The following RBM44 variants were observed in gnomAD, a reference collection of about 807,000 sequenced individuals.
RBM44 encodes the protein RNA binding motif protein 44, also known as RNA-binding protein 44.
In RBM44, 66 loss-of-function variants were observed where a neutral mutation model predicts 105.1. The observed-to-expected ratio is 0.63, with a 90% CI of 0.52 to 0.77. The LOEUF is 0.77. Ranked by LOEUF, RBM44 falls within the 30% of genes least tolerant of loss-of-function variation. The pLI is 0.00. For missense variants in RBM44, 1,122 were observed against 1,207.8 expected, an observed-to-expected ratio of 0.93 and a Z score of 1.05; for synonymous variants, 365 against 417.6, an observed-to-expected ratio of 0.87 and a Z score of 1.54.
rs780297828 is a variant in RBM44 at position 237,818,627 on chromosome 2, G to T, written c.1677+31G>T. 7.1e-7 allele frequency: 1 copy of T among 1,406,898 alleles called. No individual in the cohort carries two copies. Among genetic ancestry groups the T allele is most frequent in the South Asian group, 1.6e-5 (1 of 64,290 alleles). The allele number at this position is 1,406,898 out of a possible 1,614,324, so 87.2% of individuals were successfully genotyped here. ...ATCAATATGAGTAATAATAAAATTT[G>T]GACTTTATAAAGAGACAGTGTATGC... On this transcript the variant is annotated intron_variant, in intron 3 of 15. Transcript: ENST00000316997. This position sits in a 1 kb window ranked among gnomAD's most constrained non-coding sequence, Gnocchi z 4.6.
intron 1 of RBM44, among the ~76,000 whole-genome samples, chr2:237,800,278 TGTCAA>T (rs1165287194): frequency 1.3e-5 from 2 of 152,242 alleles, no homozygotes; most frequent in Non-Finnish European, 2.9e-5. Context: ...ATATCCTCTT[TGTCAA>T]GTCATTTGCT....
chr2:237,827,473 A>C lies in RBM44; in HGVS notation c.2570A>C (p.Glu857Ala), dbSNP rs1299014310. ...CATTTCCAAAAATACCAAGTTTCTG[A>C]AATTTCAATTTATGATTCTACTAAT... ...RSHFQKYQVS[E>A]ISIYDSTNYR... Residue 857 changes from glutamate (E) to alanine (A), a missense_variant, in exon 12 of 16, where the codon GAA becomes GCA. Around this residue, in one of 3 missense-constraint regions of RBM44, gnomAD observed 10 missense variants for 27.0 expected, o/e 0.37. Coordinates refer to ENST00000316997, the MANE Select transcript of RBM44 (RefSeq NM_001080504.3). 2.6e-6 allele frequency: 4 copies of C among 1,523,406 alleles called. No homozygotes were observed. The East Asian group carries it at 9.8e-5, about 37-fold the overall frequency. 94.4% of individuals were successfully genotyped at this position (1,523,406 alleles called of 1,614,324 possible).
rs564000865 is a variant in RBM44 at position 237,842,205 on chromosome 2, A to G, written c.*389A>G. The G allele has an allele frequency of 6.6e-6, 1 of 152,240 alleles. No individual in the cohort carries two copies. The highest frequency in any genetic ancestry group is 1.9e-4 in the East Asian group (1 of 5,188). The allele number at this position is 152,240 out of a possible 1,614,324, so 9.4% of individuals were successfully genotyped here. ...AAGAAGGAGGTTTGTTGTTACATCA[A>G]TGTTTGTGAAATGATTTCCATACAT... On this transcript the variant is annotated 3_prime_UTR_variant, in exon 16 of 16. Transcript: ENST00000316997.
At chr2:237,819,960 T>C (rs372417607) in intron 4 of RBM44, among the ~76,000 whole-genome samples, 5 of 152,012 alleles carry the variant, frequency 3.3e-5, no homozygotes, top group African/African-American at 9.7e-5. Context: ...AATTTGAGAA[T>C]TGTTTACTTC....
At chr2:237,804,507 A>G (rs1172281421) in intron 1 of RBM44, among the ~76,000 whole-genome samples, 2 of 152,168 alleles carry the variant, frequency 1.3e-5, no homozygotes, top group East Asian at 1.9e-4. Flanking sequence ...TATTAATTAC[A>G]TTGTGGTTTT....
At chr2:237,816,176 A>C (rs979545832) in intron 2 of RBM44, among the ~76,000 whole-genome samples, 1 of 152,152 alleles carries the variant, frequency 6.6e-6, no homozygotes, top group South Asian at 2.1e-4. Flanking sequence ...TTAAATACAA[A>C]GTTTTTCTGA....
At chr2:237,819,769 T>C (rs1481637764) in intron 4 of RBM44, among the ~76,000 whole-genome samples, 1 of 151,996 alleles carries the variant, frequency 6.6e-6, no homozygotes, top group East Asian at 1.9e-4. Flanking sequence ...TTAAGAATAA[T>C]TTTCATCCAA....
intron 15 of RBM44, among the ~76,000 whole-genome samples, chr2:237,838,552 A>G (rs959361050): frequency 1.3e-5 from 2 of 152,208 alleles, no homozygotes; most frequent in African/African-American, 4.8e-5. Context: ...AAAATACATG[A>G]AAATACTAAT....
chr2:237,836,083 T>C (rs923491265), intron 15 of RBM44, among the ~76,000 whole-genome samples: 3 of 152,178 alleles, frequency 2.0e-5, no homozygotes, highest in Non-Finnish European at 4.4e-5. Context: ...TCTGGGACTT[T>C]CACAGCTTGA....
chr2:237,815,715 G>A (rs1220733564), intron 2 of RBM44, among the ~76,000 whole-genome samples: 2 of 151,788 alleles, frequency 1.3e-5, no homozygotes, highest in African/African-American at 4.8e-5. Flanking sequence ...TTCCGATTAT[G>A]ATCTTAGTAA....
rs992414658 is a variant in RBM44 at position 237,833,985 on chromosome 2, A to C, written c.2887-12A>C. 6 of 1,477,490 alleles carry C rather than the reference A, an allele frequency of 4.1e-6. No individual in the cohort carries two copies. The highest frequency in any genetic ancestry group is 1.4e-5 in the African/African-American group (1 of 71,850). The allele number at this position is 1,477,490 out of a possible 1,614,324, so 91.5% of individuals were successfully genotyped here. A position where few individuals can be genotyped will look rare whatever the true frequency, so the allele number is the denominator to read the frequency against. Reference sequence around the variant, plus strand: ...TACTGATTTTAAGAAAACTTTTTAAATGCTTATTTAGGGTGTCAAGAAGAA... The same window carrying C: ...TACTGATTTTAAGAAAACTTTTTAACTGCTTATTTAGGGTGTCAAGAAGAA... On this transcript the variant is annotated splice_polypyrimidine_tract_variant and intron_variant, in intron 13 of 15. Transcript: ENST00000316997.
At position 237,803,300 on chromosome 2, in the gene RBM44, G is replaced by A. The variant is rs1458783654; in HGVS notation, c.-19+4439G>A. Among the ~76,000 whole-genome samples the A allele has an allele frequency of 4.0e-5, 6 of 150,006 alleles. No homozygotes were observed. Among genetic ancestry groups the A allele is most frequent in the East Asian group, 3.9e-4 (2 of 5,160 alleles). On this transcript the variant is annotated intron_variant, in intron 1 of 15. Coordinates refer to ENST00000316997, the MANE Select transcript of RBM44 (RefSeq NM_001080504.3). The surrounding 1 kb of genome is among the most constrained non-coding windows in gnomAD (Gnocchi z 4.2). The stretch of plus-strand genomic sequence containing the variant: ...TCTCTCTGTCTCTGGGTGACAGAGC[G>A]AGACACACACACACACACATACTCT...
chr2:237,818,379 G>C lies in RBM44; in HGVS notation c.1460G>C (p.Arg487Thr). The change falls in exon 3 of 16, where the codon AGA becomes ACA. Residue 487 changes from arginine to threonine, a missense_variant. Arg to Thr is a moderately conservative substitution (Grantham distance 71). Around this residue, in one of 3 missense-constraint regions of RBM44, gnomAD observed 918 missense variants for 955.3 expected, o/e 0.96. Transcript: ENST00000316997. This position sits in a 1 kb window ranked among gnomAD's most constrained non-coding sequence, Gnocchi z 4.6. ...CFTTSRATSA[R>T]PSVVSTSSNT... ...ACAACCAGCAGGGCAACAAGTGCAA[G>C]ACCTTCTGTAGTATCTACATCAAGC... 1 of 1,612,806 alleles carries C rather than the reference G, an allele frequency of 6.2e-7. No homozygotes were observed. Among genetic ancestry groups the C allele is most frequent in the East Asian group, 2.2e-5 (1 of 44,852 alleles).
chr2:237,819,473 G>A (rs558644674), intron 4 of RBM44, among the ~76,000 whole-genome samples: 6 of 152,054 alleles, frequency 3.9e-5, no homozygotes, highest in African/African-American at 1.4e-4. Flanking sequence ...CATACTCTGA[G>A]GTCATTTACT....
At chr2:237,822,300 G>T (rs2061801111) in intron 8 of RBM44, among the ~76,000 whole-genome samples, 1 of 152,012 alleles carries the variant, frequency 6.6e-6, no homozygotes, top group Admixed American at 6.6e-5. Flanking sequence ...GCCTGTCATA[G>T]GTTTTCTTAC....
At chr2:237,810,119 GAT>G (rs1328457591) in intron 1 of RBM44, among the ~76,000 whole-genome samples, 2 of 152,112 alleles carry the variant, frequency 1.3e-5, no homozygotes, top group Non-Finnish European at 2.9e-5. Context: ...AAATGTTAAT[GAT>G]ATGTGTTTTT....
intron 1 of RBM44, among the ~76,000 whole-genome samples, chr2:237,801,361 AT>A (rs1404842475): frequency 3.3e-5 from 5 of 152,156 alleles, no homozygotes; most frequent in Non-Finnish European, 7.3e-5. Context: ...GAACAATCAA[AT>A]GTATCAAATA....
intron 2 of RBM44, among the ~76,000 whole-genome samples, chr2:237,816,782 C>T (rs2061722304): frequency 6.6e-6 from 1 of 152,110 alleles, no homozygotes; most frequent in Admixed American, 6.6e-5. Flanking sequence ...CTCTCCAAGT[C>T]CCCATTTCCA....
rs766748707 is a variant in RBM44, at chr2:237,818,076, A to G, written c.1157A>G (p.Asp386Gly). ...CAAACTTCCTGGACCTCTGTTTTTG[A>G]TGATTCGATAATTTCTGCCTGTGGA... Reference protein sequence around the residue: ...DCQTSWTSVFDDSIISACGYY... With the variant: ...DCQTSWTSVFGDSIISACGYY... The change falls in exon 3 of 16, where the codon GAT (aspartate) becomes GGT (glycine). Residue 386 changes from aspartate (D) to glycine (G), a missense_variant. Around this residue, in one of 3 missense-constraint regions of RBM44, gnomAD observed 918 missense variants for 955.3 expected, o/e 0.96. Coordinates refer to ENST00000316997, the MANE Select transcript of RBM44 (RefSeq NM_001080504.3). The surrounding 1 kb of genome is among the most constrained non-coding windows in gnomAD (Gnocchi z 4.6). The G allele has an allele frequency of 3.1e-6, 5 of 1,612,738 alleles. No individual in the cohort carries two copies. Among genetic ancestry groups the G allele is most frequent in the Non-Finnish European group, 3.4e-6 (4 of 1,179,384 alleles).
Sources: gnomAD v4.1 joint callset for allele counts (sites outside exome capture counted in the v4.1 genomes callset) on GRCh38, gnomAD v4.1.1 for gene constraint, gnomAD v4.1.1 regional missense constraint, Gnocchi (gnomAD v3.1) non-coding constraint, MANE v1.5 for transcripts, NCBI Gene and HGNC (gene_info 2026-07-23, HGNC 2026-07-21) for gene names.